The following TMEM129 variants were observed in gnomAD, a reference collection of about 807,000 sequenced individuals.
TMEM129 encodes E3 ubiquitin-protein ligase TM129.
In TMEM129, 35 loss-of-function variants were observed where a neutral mutation model predicts 34.1. The observed-to-expected ratio is 1.03, with a 90% confidence interval of 0.78 to 1.36. TMEM129 has a LOEUF of 1.36. Ranked by LOEUF, TMEM129 falls within the 40% of genes most tolerant of loss-of-function variation. TMEM129 has a pLI of 0.00. For synonymous variants in TMEM129, 239 were observed against 217.3 expected (o/e 1.10, Z -0.88); for missense variants, 504 against 512.6 (o/e 0.98, Z 0.16).
At chr4:1,718,710 C>A in intron 1 of TMEM129, 84 bp from the exon 2 acceptor site, 1 of 1,423,482 alleles carries the variant, frequency 7.0e-7, no homozygotes, top group Non-Finnish European at 9.1e-7. Flanking sequence ...TGGCCCTCTG[C>A]CCGGGTTCCA....
rs747704225 is a variant in TMEM129 at position 1,718,292 on chromosome 4, G to A, written c.540C>T (p.His180=). 5.1e-5 allele frequency: 83 copies of A among 1,612,934 alleles called. 2 individuals carry two copies. The highest frequency in any genetic ancestry group is 5.0e-4 in the South Asian group (45 of 90,880). The change falls in exon 2 of 4, where the codon CAC becomes CAT. Residue 180 remains histidine, a synonymous_variant. Transcript: ENST00000382936. ...WVMKVTTYRV[H]VAQQQDVHLT... The stretch of plus-strand genomic sequence containing the variant: ...GGTGCACGTCCTGCTGCTGGGCCAC[G>A]TGCACTCGGTAGGTGGTTACCTTCA...
At position 1,718,189 on chromosome 4, in the gene TMEM129, C is replaced by G. The variant is rs749348291; in HGVS notation, c.643G>C (p.Ala215Pro). ...LPVQLLTIRV[A>P]STNPAVQAFD... is the part of the protein sequence containing the mutation. ...GCCTGCACAGCAGGGTTGGTGCTGGCCACACGGATGGTGAGGAGCTGCACG... is the reference window on the plus strand; with the variant it reads ...GCCTGCACAGCAGGGTTGGTGCTGGGCACACGGATGGTGAGGAGCTGCACG... Residue 215 changes from alanine (A) to proline (P), a missense_variant, in exon 2 of 4, where the codon GCC (alanine) becomes CCC (proline). Coordinates refer to ENST00000382936, the MANE Select transcript of TMEM129 (RefSeq NM_001127266.2). The G allele has an allele frequency of 4.4e-6, 7 of 1,585,088 alleles. No homozygotes were observed. Among genetic ancestry groups the G allele is most frequent in the Non-Finnish European group, 5.1e-6 (6 of 1,165,934 alleles).
In TMEM129 at chr4:1,717,076, G is replaced by A. The variant is rs1716995748; in HGVS notation, c.*104C>T. The A allele has an allele frequency of 3.8e-6, 5 of 1,317,442 alleles. No homozygotes were observed. In the South Asian group the frequency reaches 6.1e-5, roughly 16 times the overall value. The allele number at this position is 1,317,442 out of a possible 1,614,324, so 81.6% of individuals were successfully genotyped here. ...GCAGAGGCGAGTTGCTCTACATCATGTGCTTTAAGTAGAGCCCTTTGCCAG... is the reference window on the plus strand; with the variant it reads ...GCAGAGGCGAGTTGCTCTACATCATATGCTTTAAGTAGAGCCCTTTGCCAG... On this transcript the variant is annotated 3_prime_UTR_variant, in exon 4 of 4. Transcript: ENST00000382936.
In TMEM129 at chr4:1,717,418, G is replaced by A. The variant is rs1053713547; in HGVS notation, c.851C>T (p.Ala284Val). ...YSVPSSQELE[A>V]CIGCMQTRAS... ...ACGTGTCTGCATGCAGCCTATGCAG[G>A]CCTCCAGCTCCTGCGGGCAGGTGGA... The change falls in exon 4 of 4, where the codon GCC (alanine) becomes GTC (valine). Residue 284 changes from alanine (A) to valine (V), a missense_variant. Coordinates refer to ENST00000382936, the MANE Select transcript of TMEM129 (RefSeq NM_001127266.2). 17 of 1,517,040 alleles carry A rather than the reference G, an allele frequency of 1.1e-5. No individual in the cohort carries two copies. In the African/African-American group the frequency reaches 1.4e-4, roughly 12 times the overall value. The allele number at this position is 1,517,040 out of a possible 1,614,324, so 94.0% of individuals were successfully genotyped here.
chr4:1,720,894 C>A lies in TMEM129; in HGVS notation c.-57G>T. 1 of 1,511,340 alleles carries A rather than the reference C, an allele frequency of 6.6e-7. No homozygotes were observed. The highest frequency in any genetic ancestry group is 8.9e-7 in the Non-Finnish European group (1 of 1,122,708). The allele number at this position is 1,511,340 out of a possible 1,614,324, so 93.6% of individuals were successfully genotyped here. ...CCCCCGCCCCGGCGCGCGGACGAGG[C>A]CGCAGCGCCCAGTCCCGGACCTGTC... On this transcript the variant is annotated 5_prime_UTR_variant, in exon 1 of 4. Transcript: ENST00000382936. The surrounding 1 kb of genome is among the most constrained non-coding windows in gnomAD (Gnocchi z 4.4).
rs572935127 is a variant in TMEM129 at position 1,717,541 on chromosome 4, G to A, written c.815C>T (p.Pro272Leu). 162 of 1,543,740 alleles carry A rather than the reference G, an allele frequency of 1.0e-4. No homozygotes were observed. The South Asian group carries it at 1.2e-3, about 11-fold the overall frequency. The change falls in exon 3 of 4, where the codon CCG (proline) becomes CTG (leucine). Residue 272 changes from proline to leucine, a missense_variant. Coordinates refer to ENST00000382936, the MANE Select transcript of TMEM129 (RefSeq NM_001127266.2). ...ETFASLVEVNPAYSVPSSQEL... is the reference protein window; with the variant it reads ...ETFASLVEVNLAYSVPSSQEL... ...CTGGCTGCTGGGCACTGAGTAGGCC[G>A]GGTTGACCTCTACCAGGGAGGCAAA...
chr4:1,719,465 G>A (rs1717160296), intron 1 of TMEM129, among the ~76,000 whole-genome samples: 1 of 152,326 alleles, frequency 6.6e-6, no homozygotes, highest in South Asian at 2.1e-4. Context: ...GTTGCAGTGA[G>A]CCGAGATCAT....
At position 1,720,482 on chromosome 4, in the gene TMEM129, C is replaced by A. The variant is rs1308183541; in HGVS notation, c.205+151G>T. ...GGCGCCCCTAAGCGCGCTCAGCCCACGCCGCGGTCCCTCTGGATGAGGACC... is the reference window on the plus strand; with the variant it reads ...GGCGCCCCTAAGCGCGCTCAGCCCAAGCCGCGGTCCCTCTGGATGAGGACC... On this transcript the variant is annotated intron_variant, in intron 1 of 3. Transcript: ENST00000382936. The surrounding 1 kb of genome is among the most constrained non-coding windows in gnomAD (Gnocchi z 4.4). The A allele has an allele frequency of 1.9e-6, 2 of 1,059,696 alleles. No individual in the cohort carries two copies. The highest frequency in any genetic ancestry group is 2.6e-6 in the Non-Finnish European group (2 of 766,676). The allele number at this position is 1,059,696 out of a possible 1,614,324, so 65.6% of individuals were successfully genotyped here.
At chr4:1,718,903 C>G in intron 1 of TMEM129, 1 of 1,320,490 alleles carries the variant, frequency 7.6e-7, no homozygotes, top group African/African-American at 1.5e-5. Flanking sequence ...AAAATAAACA[C>G]AATCAGGTGT....
At chr4:1,719,898 GTCACCCC>G (rs1389367551) in intron 1 of TMEM129, among the ~76,000 whole-genome samples, 9 of 152,184 alleles carry the variant, frequency 5.9e-5, no homozygotes, top group Non-Finnish European at 4.4e-5. Context: ...GATGTGGAGG[GTCACCCC>G]TCTTGTATCC....
intron 2 of TMEM129, 61 bp downstream of exon 2, chr4:1,718,091 C>T: frequency 2.1e-6 from 3 of 1,444,812 alleles, no homozygotes; most frequent in Middle Eastern, 2.5e-4. Flanking sequence ...GGTCGTGGCA[C>T]CAGAGCCTGG....
Position 1,720,874 on chromosome 4 carries a change from G to T in TMEM129, c.-37C>A, listed in dbSNP as rs1717289519. ...CGGGAAGCTGTCGAGCTAGGCCCCC[G>T]CCCCGGCGCGCGGACGAGGCCGCAG... On this transcript the variant is annotated 5_prime_UTR_variant, in exon 1 of 4. Transcript: ENST00000382936. This position sits in a 1 kb window ranked among gnomAD's most constrained non-coding sequence, Gnocchi z 4.4. The T allele has an allele frequency of 6.5e-6, 10 of 1,538,392 alleles. No individual in the cohort carries two copies. The highest frequency in any genetic ancestry group is 8.8e-6 in the Non-Finnish European group (10 of 1,140,680).
Position 1,718,616 on chromosome 4 carries a change from C to A in TMEM129, c.216G>T (p.Val72=), listed in dbSNP as rs1369074334. ...CHSLLPLGYY[V]GMCLAASEKR... is the part of the protein sequence containing the mutation. ...TTTCTGAAGCCGCAAGGCACATGCC[C>A]ACATAGTAGCCTGCAAAGGACAGGG... Residue 72 remains valine (V), a synonymous_variant, in exon 2 of 4, where the codon GTG becomes GTT. Coordinates refer to ENST00000382936, the MANE Select transcript of TMEM129 (RefSeq NM_001127266.2). The A allele has an allele frequency of 6.9e-7, 1 of 1,453,192 alleles. No homozygotes were observed. The highest frequency in any genetic ancestry group is 1.5e-5 in the South Asian group (1 of 68,260). 90.0% of individuals were successfully genotyped at this position (1,453,192 alleles called of 1,614,324 possible). A position where few individuals can be genotyped will look rare whatever the true frequency, so the allele number is the denominator to read the frequency against.
At chr4:1,719,536 A>G (rs1055716073) in intron 1 of TMEM129, among the ~76,000 whole-genome samples, 2 of 152,240 alleles carry the variant, frequency 1.3e-5, no homozygotes, top group Non-Finnish European at 2.9e-5. Flanking sequence ...AAAAATAAAA[A>G]TAAAACAGGT....
At chr4:1,718,687 A>G in intron 1 of TMEM129, 61 bp from the exon 2 acceptor site, 1 of 1,430,708 alleles carries the variant, frequency 7.0e-7, no homozygotes, top group South Asian at 1.5e-5. Flanking sequence ...CCACCCCCCG[A>G]CAGCCCTGGA....
rs1351775478 is a variant in TMEM129, at chr4:1,717,607, A to C, written c.749T>G (p.Val250Gly). ...LRAPIRRAAHVVIHQSLGDLF... is the reference protein window; with the variant it reads ...LRAPIRRAAHGVIHQSLGDLF... ...GTCGCCCAGGCTCTGGTGGATGACCACATGGGCTGCCCTGCGGATGGGTGC... is the reference window on the plus strand; with the variant it reads ...GTCGCCCAGGCTCTGGTGGATGACCCCATGGGCTGCCCTGCGGATGGGTGC... Residue 250 changes from valine to glycine, a missense_variant, in exon 3 of 4, where the codon GTG becomes GGG. Coordinates refer to ENST00000382936, the MANE Select transcript of TMEM129 (RefSeq NM_001127266.2). The C allele has an allele frequency of 7.1e-6, 11 of 1,549,802 alleles. No homozygotes were observed. Among genetic ancestry groups the C allele is most frequent in the Non-Finnish European group, 9.6e-6 (11 of 1,146,320 alleles).
At chr4:1,717,978 T>A in intron 2 of TMEM129, 174 bp downstream of exon 2, 1 of 696,064 alleles carries the variant, frequency 1.4e-6, no homozygotes, top group East Asian at 2.7e-5. Flanking sequence ...GGGAGGGCTA[T>A]GCGGGAGGGC....
chr4:1,719,009 T>C lies in TMEM129; in HGVS notation c.206-383A>G, dbSNP rs945236416. On this transcript the variant is annotated intron_variant, in intron 1 of 3. Transcript: ENST00000382936. ...ACCCGCTCTGAGGAGGCTGATCAAATGTGGTGCATCCCAGAGCTGAAAAGT... is the reference window on the plus strand; with the variant it reads ...ACCCGCTCTGAGGAGGCTGATCAAACGTGGTGCATCCCAGAGCTGAAAAGT... The C allele has an allele frequency of 1.1e-5, 14 of 1,277,562 alleles. No individual in the cohort carries two copies. The African/African-American group carries it at 1.8e-4, about 17-fold the overall frequency. The allele number at this position is 1,277,562 out of a possible 1,614,324, so 79.1% of individuals were successfully genotyped here.
intron 1 of TMEM129, chr4:1,719,328 C>T (rs759256489): frequency 3.0e-5 from 13 of 429,130 alleles, no homozygotes; most frequent in Non-Finnish European, 4.7e-5. Context: ...CCGAGGCGGA[C>T]GGATCACGAG....
Sources: allele counts gnomAD v4.1 joint callset (sites outside exome capture counted in the v4.1 genomes callset), GRCh38; gene constraint gnomAD v4.1.1; non-coding constraint Gnocchi (gnomAD v3.1); transcripts MANE v1.5; gene names NCBI Gene and HGNC (gene_info 2026-07-23, HGNC 2026-07-21).